CTNND2: variants seen among roughly 807,000 people sequenced by gnomAD.
CTNND2 encodes catenin delta-2.
In CTNND2, 22 loss-of-function variants were observed where a neutral mutation model predicts 144.4. The ratio of observed to expected loss-of-function variants is 0.15; its 90% CI spans 0.11 to 0.22. The LOEUF is 0.22. CTNND2 is among the 10% of genes least tolerant of loss of function. The probability of loss-of-function intolerance (pLI) is 1.00; values close to 1 mark genes in which losing one functional copy is unlikely to be tolerated. For synonymous variants in CTNND2, 751 were observed against 695.6 expected (o/e 1.08, Z -1.25); for missense variants, 1,353 against 1,618.8 (o/e 0.84, Z 2.82).
intron 1 of CTNND2, among the ~76,000 whole-genome samples, chr5:11,758,126 C>T (rs1391363730): frequency 6.6e-6 from 1 of 151,882 alleles, no homozygotes; most frequent in Non-Finnish European, 1.5e-5. Flanking sequence ...TTAGATAAAT[C>T]CTTCAGCTTT....
chr5:11,438,207 A>G (rs2149887409), intron 3 of CTNND2, among the ~76,000 whole-genome samples: 1 of 152,334 alleles, frequency 6.6e-6, no homozygotes, highest in Admixed American at 6.5e-5. Context: ...AAGGGATACC[A>G]ATTACAAAAA....
intron 3 of CTNND2, among the ~76,000 whole-genome samples, chr5:11,524,549 T>G (rs1032765697): frequency 6.6e-6 from 1 of 152,152 alleles, no homozygotes; most frequent in Non-Finnish European, 1.5e-5. Flanking sequence ...TAACACAGTT[T>G]CTTTCCCCCA....
intron 3 of CTNND2, among the ~76,000 whole-genome samples, chr5:11,458,274 G>C (rs964942210): frequency 6.9e-6 from 1 of 144,502 alleles, no homozygotes; most frequent in African/African-American, 2.9e-5. Context: ...AGGGGAACAT[G>C]CTGGGCAACT....
chr5:11,631,774 T>C (rs535676536), intron 2 of CTNND2, among the ~76,000 whole-genome samples: 34 of 152,310 alleles, frequency 2.2e-4, no homozygotes, highest in African/African-American at 7.9e-4. Flanking sequence ...ATGACTCTGA[T>C]TGGCCTTGCC....
chr5:11,080,910 C>A (rs2191017), intron 16 of CTNND2, among the ~76,000 whole-genome samples: 1 of 152,126 alleles, frequency 6.6e-6, no homozygotes, highest in African/African-American at 2.4e-5. Flanking sequence ...GCCCCACCTC[C>A]ACTAAAAAAT....
chr5:11,274,811 A>G (rs1036658987), intron 9 of CTNND2, among the ~76,000 whole-genome samples: 1 of 152,188 alleles, frequency 6.6e-6, no homozygotes, highest in African/African-American at 2.4e-5. Flanking sequence ...GGAACAAAGA[A>G]CTGTTTTCCA....
chr5:11,471,640 A>G (rs1195622982), intron 3 of CTNND2, among the ~76,000 whole-genome samples: 3 of 152,228 alleles, frequency 2.0e-5, no homozygotes, highest in Non-Finnish European at 4.4e-5. Flanking sequence ...TAGCTTGACT[A>G]TGACTTTTAA....
At chr5:11,874,002 C>T (rs963689622) in intron 1 of CTNND2, among the ~76,000 whole-genome samples, 2 of 152,192 alleles carry the variant, frequency 1.3e-5, no homozygotes, top group Non-Finnish European at 2.9e-5. Context: ...AGTGCCCTCA[C>T]AACACAGACA....
chr5:11,093,823 C>CT (rs755411608), intron 15 of CTNND2, among the ~76,000 whole-genome samples: 7 of 152,110 alleles, frequency 4.6e-5, no homozygotes, highest in Admixed American at 3.9e-4. Flanking sequence ...TAATTCAATA[C>CT]TTTTTTCTGA....
intron 5 of CTNND2, among the ~76,000 whole-genome samples, chr5:11,404,056 G>T (rs1760866302): frequency 6.6e-6 from 1 of 152,132 alleles, no homozygotes; most frequent in Admixed American, 6.5e-5. Flanking sequence ...GGGTATATAT[G>T]ATGCTAGTCA....
intron 18 of CTNND2, among the ~76,000 whole-genome samples, chr5:11,008,408 T>A (rs1580016052): frequency 1.3e-5 from 2 of 152,124 alleles, no homozygotes; most frequent in Admixed American, 1.3e-4. Context: ...AGCAAAGAAA[T>A]TTCAAAGATG....
chr5:11,037,713 A>T (rs1199140439), intron 16 of CTNND2, among the ~76,000 whole-genome samples: 3 of 152,248 alleles, frequency 2.0e-5, no homozygotes, highest in African/African-American at 7.2e-5. Flanking sequence ...CTAACAGGTT[A>T]TGCTTATAAA....
intron 1 of CTNND2, among the ~76,000 whole-genome samples, chr5:11,737,575 G>T (rs1787759819): frequency 6.6e-6 from 1 of 152,156 alleles, no homozygotes; most frequent in South Asian, 2.1e-4. Context: ...AACACCACTA[G>T]CAGTTTCAGG....
intron 3 of CTNND2, among the ~76,000 whole-genome samples, chr5:11,470,381 C>T (rs137981591): frequency 2.4e-3 from 358 of 152,062 alleles, no homozygotes; most frequent in Middle Eastern, 0.017. Context: ...TTTGGTGAGC[C>T]GAGATTGTGC....
chr5:11,574,774 T>C (rs1449368427), intron 2 of CTNND2, among the ~76,000 whole-genome samples: 1 of 152,132 alleles, frequency 6.6e-6, no homozygotes, highest in Non-Finnish European at 1.5e-5. Flanking sequence ...TACACCAACA[T>C]CTTTGCCTAT....
intron 2 of CTNND2, among the ~76,000 whole-genome samples, chr5:11,673,265 A>G (rs2126606191): frequency 6.6e-6 from 1 of 152,300 alleles, no homozygotes; most frequent in Admixed American, 6.5e-5. Flanking sequence ...GTAGTAGAGA[A>G]GACAGAAAGC....
chr5:11,864,468 C>T (rs991531560), intron 1 of CTNND2, among the ~76,000 whole-genome samples: 9 of 152,280 alleles, frequency 5.9e-5, no homozygotes, highest in African/African-American at 1.7e-4. Context: ...AATTGTATCT[C>T]AAAGCCTCAC....
chr5:11,584,425 T>TTG (rs1491202816), intron 2 of CTNND2, among the ~76,000 whole-genome samples: 1 of 124,190 alleles, frequency 8.1e-6, no homozygotes, highest in Non-Finnish European at 1.6e-5. Context: ...ATATTTTTTT[T>TTG]GGGGGGGGGG....
At chr5:11,094,729 G>C (rs1224084294) in intron 15 of CTNND2, among the ~76,000 whole-genome samples, 2 of 152,138 alleles carry the variant, frequency 1.3e-5, no homozygotes, top group East Asian at 3.9e-4. Context: ...CTCCCAAAGT[G>C]TTGGGATTAC....
Sources: allele counts gnomAD v4.1 joint callset (sites outside exome capture counted in the v4.1 genomes callset), GRCh38; gene constraint gnomAD v4.1.1; transcripts MANE v1.5; gene names NCBI Gene and HGNC (gene_info 2026-07-23, HGNC 2026-07-21).